Variants in KCNT1 observed in about 807,000 individuals in gnomAD.
KCNT1 encodes potassium channel subfamily T member 1.
A neutral mutation model predicts 147.8 loss-of-function variants in KCNT1; 78 were observed. That is an observed-to-expected ratio of 0.53 (90% CI 0.44 to 0.64). The LOEUF (loss-of-function observed/expected upper bound fraction) is 0.64. Among genes scored for constraint, KCNT1 ranks in the 30% least tolerant of loss-of-function variants. The pLI is 0.00. For synonymous variants in KCNT1, 867 were observed against 748.8 expected (o/e 1.16, Z -2.58); for missense variants, 1,419 against 1,750.3 (o/e 0.81, Z 3.38).
In KCNT1 at chr9:135,757,341, T is replaced by C; in HGVS notation, c.719T>C (p.Leu240Pro). ...CGGAACCTGTTCATCCCCGTCTTTC[T>C]GAACTGCTGGCTGGCCAAGCACGCG... ...PLRNLFIPVF[L>P]NCWLAKHALE... Residue 240 changes from leucine (L) to proline (P), a missense_variant, in exon 9 of 31, where the codon CTG (leucine) becomes CCG (proline). Around this residue, in one of 5 missense-constraint regions of KCNT1, gnomAD observed 401 missense variants for 610.6 expected, o/e 0.66. Coordinates refer to ENST00000371757, the MANE Select transcript of KCNT1 (RefSeq NM_020822.3). 1 of 1,611,414 alleles carries C rather than the reference T, an allele frequency of 6.2e-7. No homozygotes were observed. Among genetic ancestry groups the C allele is most frequent in the East Asian group, 2.2e-5 (1 of 44,820 alleles).
chr9:135,777,221 G>A (rs916673356), intron 20 of KCNT1, 117 bp from the exon 21 acceptor site: 35 of 1,120,216 alleles, frequency 3.1e-5, no homozygotes, highest in East Asian at 9.7e-5. Context: ...GCTGTGGGCC[G>A]AGAGGCTAAC....
chr9:135,768,352 G>GGGA, intron 13 of KCNT1: 1 of 223,016 alleles, frequency 4.5e-6, no homozygotes, highest in Non-Finnish European at 8.3e-6. Context: ...GTTGGGGGGG[G>GGGA]GGGGGGCAGT....
In KCNT1 at chr9:135,788,302, C is replaced by T. The variant is rs1328198349; in HGVS notation, c.3502+1781C>T. The T allele has an allele frequency of 1.2e-5, 9 of 751,782 alleles. No individual in the cohort carries two copies. The Admixed American group carries it at 1.7e-4, about 14-fold the overall frequency. The allele number at this position is 751,782 out of a possible 1,614,324, so 46.6% of individuals were successfully genotyped here. A position where few individuals can be genotyped will look rare whatever the true frequency, so the allele number is the denominator to read the frequency against. ...ACGTCCCAGGTGTCAGCCCAGGCGG[C>T]CCTGTTGGGCAAGGCCTCGCATGCC... On this transcript the variant is annotated intron_variant, in intron 29 of 30. Transcript: ENST00000371757.
At chr9:135,758,602 A>G in intron 10 of KCNT1, 94 bp downstream of exon 10, 1 of 1,023,814 alleles carries the variant, frequency 9.8e-7, no homozygotes, top group African/African-American at 1.6e-5. Flanking sequence ...GCCTATGTCC[A>G]AGCTATCGGG....
At position 135,784,528 on chromosome 9, in the gene KCNT1, T is replaced by TCCCG; in HGVS notation, c.2944-7_2944-6insCCCG. The TCCCG allele has an allele frequency of 2.0e-6, 1 of 491,496 alleles. No homozygotes were observed. The highest frequency in any genetic ancestry group is 3.8e-5 in the Admixed American group (1 of 26,444). The allele number at this position is 491,496 out of a possible 1,614,324, so 30.4% of individuals were successfully genotyped here. A position where few individuals can be genotyped will look rare whatever the true frequency, so the allele number is the denominator to read the frequency against. On this transcript the variant is annotated splice_region_variant and splice_polypyrimidine_tract_variant and intron_variant, in intron 25 of 30. Coordinates refer to ENST00000371757, the MANE Select transcript of KCNT1 (RefSeq NM_020822.3). ...CTCCCTCCCTCCCTCCCTCCCTCCC[T>TCCCG]GGCCAGTCCTTCGTGAAGGACTACA... is the stretch of plus-strand genomic sequence containing the variant.
rs1361957011 is a variant in KCNT1, at chr9:135,757,345, C to T, written c.723C>T (p.Asn241=). 3 of 1,611,134 alleles carry T rather than the reference C, an allele frequency of 1.9e-6. No individual in the cohort carries two copies. The highest frequency in any genetic ancestry group is 2.5e-6 in the Non-Finnish European group (3 of 1,179,988). Residue 241 remains asparagine (N), a synonymous_variant, in exon 9 of 31, where the codon AAC becomes AAT. Transcript: ENST00000371757. ...ACCTGTTCATCCCCGTCTTTCTGAA[C>T]TGCTGGCTGGCCAAGCACGCGCTGG... The part of the protein sequence containing the change: ...LRNLFIPVFL[N]CWLAKHALEN...
intron 2 of KCNT1, among the ~76,000 whole-genome samples, chr9:135,722,253 C>T (rs1286749486): frequency 1.3e-5 from 2 of 152,188 alleles, no homozygotes; most frequent in Non-Finnish European, 2.9e-5. Context: ...CCTGAGAGGG[C>T]GAATCCCGCG....
chr9:135,777,298 C>T, intron 20 of KCNT1, 40 bp from the exon 21 acceptor site: 1 of 1,570,564 alleles, frequency 6.4e-7, no homozygotes, highest in South Asian at 1.2e-5. Context: ...GCAGGAACCA[C>T]AGCCCTGACT....
At position 135,775,393 on chromosome 9, in the gene KCNT1, TCTG is replaced by T. The variant is rs1390654782; in HGVS notation, c.2332_2334del (p.Cys778del). 1.2e-6 allele frequency: 2 copies of T among 1,610,592 alleles called. No homozygotes were observed. The highest frequency in any genetic ancestry group is 2.2e-5 in the East Asian group (1 of 44,828). Reference sequence around the variant, plus strand: ...CACCTCCTGCCTGTGAAAGCCCCCTTCTGCTGCCTGCGGCTGGACAAGGTAAGG... The same window carrying T: ...CACCTCCTGCCTGTGAAAGCCCCCTTCTGCCTGCGGCTGGACAAGGTAAGG... On this transcript the variant is annotated inframe_deletion, in exon 20 of 31. Coordinates refer to ENST00000371757, the MANE Select transcript of KCNT1 (RefSeq NM_020822.3).
Position 135,714,836 on chromosome 9 carries a change from T to A in KCNT1, c.254+116T>A. ...CGCGCCCCCGCAGCCGCCGGCGCCCTTCAACTTTTCCCGGCTTCTGGGGAC... is the reference window on the plus strand; with the variant it reads ...CGCGCCCCCGCAGCCGCCGGCGCCCATCAACTTTTCCCGGCTTCTGGGGAC... On this transcript the variant is annotated intron_variant, in intron 2 of 30. Transcript: ENST00000371757. This position sits in a 1 kb window ranked among gnomAD's most constrained non-coding sequence, Gnocchi z 6.2. 2 of 734,128 alleles carry A rather than the reference T, an allele frequency of 2.7e-6. No individual in the cohort carries two copies. Among genetic ancestry groups the A allele is most frequent in the Non-Finnish European group, 3.5e-6 (2 of 569,700 alleles). The allele number at this position is 734,128 out of a possible 1,614,324, so 45.5% of individuals were successfully genotyped here. A position where few individuals can be genotyped will look rare whatever the true frequency, so the allele number is the denominator to read the frequency against.
chr9:135,715,334 GT>G (rs1835681174), intron 2 of KCNT1, among the ~76,000 whole-genome samples: 1 of 152,366 alleles, frequency 6.6e-6, no homozygotes, highest in Admixed American at 6.5e-5. Context: ...TGGAAGAAAT[GT>G]TGCTTTTCTC....
chr9:135,712,706 C>T (rs1471608494), intron 1 of KCNT1, among the ~76,000 whole-genome samples: 1 of 152,180 alleles, frequency 6.6e-6, no homozygotes, highest in Admixed American at 6.5e-5. Context: ...GCCCTCAGTC[C>T]CAGCCCTCAG....
chr9:135,744,944 A>T lies in KCNT1; in HGVS notation c.255-5154A>T, dbSNP rs532634297. 1.6e-4 allele frequency among the ~76,000 whole-genome samples: 25 copies of T among 152,274 alleles called. No homozygotes were observed. The East Asian group carries it at 4.7e-3, about 28-fold the overall frequency. ...TGCCCCGTCCTCCCCACCAGCCGAA[A>T]TGCAGACTGGCAGAGGTGAGACGGG... On this transcript the variant is annotated intron_variant, in intron 2 of 30. Coordinates refer to ENST00000371757, the MANE Select transcript of KCNT1 (RefSeq NM_020822.3).
chr9:135,709,552 T>C (rs1039265453), intron 1 of KCNT1, among the ~76,000 whole-genome samples: 1 of 152,214 alleles, frequency 6.6e-6, no homozygotes, highest in Non-Finnish European at 1.5e-5. Flanking sequence ...CCCCGTTCTG[T>C]AACCACAGCC....
At chr9:135,716,301 T>C (rs1335881937) in intron 2 of KCNT1, among the ~76,000 whole-genome samples, 1 of 152,136 alleles carries the variant, frequency 6.6e-6, no homozygotes, top group Non-Finnish European at 1.5e-5. Context: ...CCTGTGGCTG[T>C]GGTTGATCAA....
intron 29 of KCNT1, among the ~76,000 whole-genome samples, chr9:135,787,682 C>T (rs931891513): frequency 4.6e-5 from 7 of 152,170 alleles, no homozygotes; most frequent in Admixed American, 1.3e-4. Flanking sequence ...AGACCTTTCC[C>T]GGCCCCCAGC....
intron 27 of KCNT1, 134 bp downstream of exon 27, chr9:135,785,023 C>G: frequency 7.2e-7 from 1 of 1,382,934 alleles, no homozygotes; most frequent in Admixed American, 2.2e-5. Flanking sequence ...CCTTCAGTGT[C>G]AGGGACCTGG....
chr9:135,792,193 C>T lies in KCNT1; in HGVS notation c.*32C>T. ...CCTGCACGGAGCTCAGGCCACCAAG[C>T]CCGGGGTCCTCAGGAAGGACGTGGA... On this transcript the variant is annotated 3_prime_UTR_variant, in exon 31 of 31. Coordinates refer to ENST00000371757, the MANE Select transcript of KCNT1 (RefSeq NM_020822.3). 1 of 1,593,568 alleles carries T rather than the reference C, an allele frequency of 6.3e-7. No individual in the cohort carries two copies.
chr9:135,731,977 T>TAC (rs1836466415), intron 2 of KCNT1, among the ~76,000 whole-genome samples: 1 of 30,142 alleles, frequency 3.3e-5, no homozygotes, highest in Non-Finnish European at 6.7e-5. Flanking sequence ...TATATATATA[T>TAC]ATATATATAT....
Sources: gnomAD v4.1 joint callset for allele counts (sites outside exome capture counted in the v4.1 genomes callset) on GRCh38, gnomAD v4.1.1 for gene constraint, gnomAD v4.1.1 regional missense constraint, Gnocchi (gnomAD v3.1) non-coding constraint, MANE v1.5 for transcripts, NCBI Gene and HGNC (gene_info 2026-07-23, HGNC 2026-07-21) for gene names.